The following PARP8 variants were observed in gnomAD, a reference collection of about 807,000 sequenced individuals.
PARP8 encodes the protein protein mono-ADP-ribosyltransferase PARP8.
In PARP8, 51 loss-of-function variants were observed where a neutral mutation model predicts 124.1. The ratio of observed to expected loss-of-function variants is 0.41; its 90% CI spans 0.33 to 0.52. The LOEUF (loss-of-function observed/expected upper bound fraction) is 0.52. PARP8 is among the 20% of genes least tolerant of loss of function. The pLI is 0.21. For missense variants in PARP8, 860 were observed against 1,018.9 expected (o/e 0.84, Z 2.12); for synonymous variants, 391 against 361.5 (o/e 1.08, Z -0.93).
intron 2 of PARP8, among the ~76,000 whole-genome samples, chr5:50,742,343 A>G (rs1248894370): frequency 6.6e-6 from 1 of 152,214 alleles, no homozygotes; most frequent in African/African-American, 2.4e-5. Flanking sequence ...CAAATTGTGA[A>G]ATTGTTAGAT....
At chr5:50,771,865 A>T (rs1267375560) in intron 7 of PARP8, among the ~76,000 whole-genome samples, 3 of 152,202 alleles carry the variant, frequency 2.0e-5, no homozygotes, top group Non-Finnish European at 2.9e-5. Flanking sequence ...TTGTGGTGAG[A>T]ACATCAAGAA....
At chr5:50,667,744 G>T (rs932456471) in intron 1 of PARP8, 5 of 707,484 alleles carry the variant, frequency 7.1e-6, no homozygotes, top group Non-Finnish European at 1.0e-5. Flanking sequence ...CTGCCTGGGG[G>T]TCGCCTTTCG....
intron 2 of PARP8, among the ~76,000 whole-genome samples, chr5:50,721,920 T>C (rs1580095167): frequency 6.6e-6 from 1 of 152,144 alleles, no homozygotes; most frequent in East Asian, 1.9e-4. Flanking sequence ...TCTGTTCTTC[T>C]TTTTATATTT....
chr5:50,745,832 A>G (rs1329285879), intron 2 of PARP8, among the ~76,000 whole-genome samples: 2 of 152,166 alleles, frequency 1.3e-5, no homozygotes, highest in Non-Finnish European at 2.9e-5. Context: ...ACCATTCGAC[A>G]GTATAAAGGA....
At chr5:50,788,653 A>G (rs1204373872) in intron 10 of PARP8, 64 bp downstream of exon 10, 8 of 1,368,382 alleles carry the variant, frequency 5.8e-6, no homozygotes, top group Non-Finnish European at 7.0e-6. Flanking sequence ...CATTTTGTTC[A>G]TTAAAACAAA....
chr5:50,822,449 A>C (rs375629846), intron 17 of PARP8, 49 bp downstream of exon 17: 49 of 1,406,494 alleles, frequency 3.5e-5, no homozygotes, highest in Non-Finnish European at 4.9e-5. Flanking sequence ...AATGTCTGAG[A>C]GTTCTAGCTA....
intron 25 of PARP8, among the ~76,000 whole-genome samples, chr5:50,840,735 A>T (rs1377098897): frequency 6.6e-6 from 1 of 151,850 alleles, no homozygotes; most frequent in Non-Finnish European, 1.5e-5. Flanking sequence ...AAGGAAGAGG[A>T]TGCAATAAAA....
intron 15 of PARP8, among the ~76,000 whole-genome samples, chr5:50,815,961 G>A (rs1427486695): frequency 6.6e-6 from 1 of 151,466 alleles, no homozygotes; most frequent in Non-Finnish European, 1.5e-5. Context: ...TCAGAGATAG[G>A]AAGAAAAGCA....
intron 19 of PARP8, among the ~76,000 whole-genome samples, chr5:50,827,521 G>C (rs950290003): frequency 2.0e-5 from 3 of 152,070 alleles, no homozygotes; most frequent in Non-Finnish European, 4.4e-5. Context: ...AATTTTTGCA[G>C]TTTTATAAAC....
intron 2 of PARP8, among the ~76,000 whole-genome samples, chr5:50,691,340 C>T (rs1752478634): frequency 6.6e-6 from 1 of 152,132 alleles, no homozygotes; most frequent in African/African-American, 2.4e-5. Context: ...GCCTCCAGGA[C>T]TCCACTGAAG....
chr5:50,744,656 T>A, intron 2 of PARP8: 1 of 684,814 alleles, frequency 1.5e-6, no homozygotes, highest in Non-Finnish European at 2.6e-6. Context: ...GACCTGAGTT[T>A]CTGGCAAAGC....
intron 2 of PARP8, among the ~76,000 whole-genome samples, chr5:50,678,958 C>G (rs1750967335): frequency 6.6e-6 from 1 of 152,084 alleles, no homozygotes; most frequent in African/African-American, 2.4e-5. Context: ...TGTAGGGTGA[C>G]CATCCTAACT....
At chr5:50,668,904 T>C (rs1449069085) in intron 2 of PARP8, 2 of 152,228 alleles carry the variant, frequency 1.3e-5, no homozygotes, top group Non-Finnish European at 2.9e-5. Context: ...AGATTTAGCT[T>C]AGAGGGAATT....
At chr5:50,818,096 A>G (rs984767066) in intron 15 of PARP8, among the ~76,000 whole-genome samples, 1 of 151,920 alleles carries the variant, frequency 6.6e-6, no homozygotes, top group Non-Finnish European at 1.5e-5. Flanking sequence ...CTTGTTGTCC[A>G]TAGCATGCAT....
chr5:50,818,077 T>C (rs1745303883), intron 15 of PARP8, among the ~76,000 whole-genome samples: 1 of 152,118 alleles, frequency 6.6e-6, no homozygotes, highest in Non-Finnish European at 1.5e-5. Context: ...GGCAGATATA[T>C]GTGTGTAACT....
intron 2 of PARP8, among the ~76,000 whole-genome samples, chr5:50,740,117 AGAT>A (rs1183470728): frequency 6.6e-6 from 1 of 152,142 alleles, no homozygotes; most frequent in Non-Finnish European, 1.5e-5. Flanking sequence ...TGTGCTAGGT[AGAT>A]GGTAGGTGCT....
chr5:50,737,934 C>G (rs1383599624), intron 2 of PARP8, among the ~76,000 whole-genome samples: 3 of 152,076 alleles, frequency 2.0e-5, no homozygotes, highest in Non-Finnish European at 4.4e-5. Context: ...AGCACAGTGC[C>G]CTTATAATTC....
At chr5:50,748,833 A>G (rs757097233) in intron 2 of PARP8, among the ~76,000 whole-genome samples, 6 of 152,152 alleles carry the variant, frequency 3.9e-5, no homozygotes, top group Non-Finnish European at 8.8e-5. Context: ...TTCCTGTTTC[A>G]GATTTTCTGA....
At chr5:50,797,521 A>G (rs956860444) in intron 14 of PARP8, among the ~76,000 whole-genome samples, 1 of 152,186 alleles carries the variant, frequency 6.6e-6, no homozygotes, top group African/African-American at 2.4e-5. Context: ...TAAATTGTGG[A>G]ATTTTGAAGA....
Sources: allele counts gnomAD v4.1 joint callset (sites outside exome capture counted in the v4.1 genomes callset), GRCh38; gene constraint gnomAD v4.1.1; transcripts MANE v1.5; gene names NCBI Gene and HGNC (gene_info 2026-07-23, HGNC 2026-07-21).